MTHFD1L: variants seen among roughly 807,000 people sequenced by gnomAD.
The protein encoded by MTHFD1L is monofunctional C1-tetrahydrofolate synthase, mitochondrial.
In MTHFD1L, 81 loss-of-function variants were observed where a neutral mutation model predicts 119.5. The observed-to-expected ratio is 0.68, with a 90% CI of 0.57 to 0.82. The LOEUF (loss-of-function observed/expected upper bound fraction) is 0.82. MTHFD1L is among the 40% of genes least tolerant of loss of function. The probability of loss-of-function intolerance (pLI) is 0.00; values close to 1 mark genes in which losing one functional copy is unlikely to be tolerated. For synonymous variants in MTHFD1L, 430 were observed against 475.2 expected (o/e 0.90, Z 1.24); for missense variants, 1,125 against 1,253.4 (o/e 0.90, Z 1.55).
In MTHFD1L at chr6:151,009,951, G is replaced by A. The variant is rs1165895739; in HGVS notation, c.2258G>A (p.Gly753Glu). ...TVRALKMHGGGPSVTAGVPLK... is the reference protein window; with the variant it reads ...TVRALKMHGGEPSVTAGVPLK... ...CGAGCTCTGAAGATGCATGGAGGCG[G>A]GCCAAGTGTAAGTGCCCACACCGCC... Residue 753 changes from glycine (G) to glutamate (E), a missense_variant, in exon 21 of 28, where the codon GGG (glycine) becomes GAG (glutamate). Transcript: ENST00000367321. 1.2e-6 allele frequency: 2 copies of A among 1,603,004 alleles called. No homozygotes were observed. Among genetic ancestry groups the A allele is most frequent in the African/African-American group, 2.7e-5 (2 of 74,314 alleles).
At chr6:151,038,199 T>A (rs1786483594) in intron 26 of MTHFD1L, among the ~76,000 whole-genome samples, 1 of 152,190 alleles carries the variant, frequency 6.6e-6, no homozygotes, top group Non-Finnish European at 1.5e-5. Flanking sequence ...TGGAGAGCAC[T>A]GTGTTGGTAT....
At chr6:150,877,994 C>T (rs1780742016) in intron 4 of MTHFD1L, among the ~76,000 whole-genome samples, 168 bp downstream of exon 4, 1 of 152,194 alleles carries the variant, frequency 6.6e-6, no homozygotes, top group African/African-American at 2.4e-5. Flanking sequence ...TCATGATATC[C>T]TTGTTTCTTG....
Position 150,949,111 on chromosome 6 carries a change from A to G in MTHFD1L, c.1704A>G (p.Pro568=), listed in dbSNP as rs746063964. 6.2e-7 allele frequency: 1 copy of G among 1,613,964 alleles called. No homozygotes were observed. The highest frequency in any genetic ancestry group is 1.1e-5 in the South Asian group (1 of 91,068). The change falls in exon 16 of 28, where the codon CCA becomes CCG. Residue 568 remains proline, a synonymous_variant. Coordinates refer to ENST00000367321, the MANE Select transcript of MTHFD1L (RefSeq NM_015440.5). ...VSKFARLDID[P]STITWQRVLD... is the part of the protein sequence containing the mutation. ...AATTTGCCCGTCTCGACATCGACCCATCTACCATCACGTGGCAGAGAGGTG... is the reference window on the plus strand; with the variant it reads ...AATTTGCCCGTCTCGACATCGACCCGTCTACCATCACGTGGCAGAGAGGTG...
intron 20 of MTHFD1L, among the ~76,000 whole-genome samples, chr6:150,986,482 G>A (rs969884283): frequency 2.6e-5 from 4 of 152,168 alleles, no homozygotes; most frequent in African/African-American, 7.2e-5. Context: ...CAACATTTCC[G>A]TGGTTTTGGG....
intron 18 of MTHFD1L, among the ~76,000 whole-genome samples, chr6:150,961,942 AC>A (rs1796507430): frequency 6.6e-6 from 1 of 152,112 alleles, no homozygotes; most frequent in Non-Finnish European, 1.5e-5. Context: ...CAGTTTTAAA[AC>A]TTAATCCTCA....
At chr6:150,919,094 CAG>C (rs1034276369) in intron 9 of MTHFD1L, among the ~76,000 whole-genome samples, 1 of 149,506 alleles carries the variant, frequency 6.7e-6, no homozygotes, top group African/African-American at 2.5e-5. Context: ...ACCCAGGAGA[CAG>C]AGGTTGTGGT....
intron 13 of MTHFD1L, among the ~76,000 whole-genome samples, chr6:150,938,979 ATTG>A (rs1308158353): frequency 2.0e-5 from 3 of 152,224 alleles, no homozygotes; most frequent in Admixed American, 2.0e-4. Context: ...ATTCATATAC[ATTG>A]CTGTGGAAAA....
chr6:151,089,474 G>C (rs553725710), intron 26 of MTHFD1L, among the ~76,000 whole-genome samples: 1 of 152,152 alleles, frequency 6.6e-6, no homozygotes, highest in South Asian at 2.1e-4. Flanking sequence ...ATGGTGGCAG[G>C]TGCCTATAAT....
intron 7 of MTHFD1L, among the ~76,000 whole-genome samples, chr6:150,904,014 G>A (rs1785487100): frequency 6.6e-6 from 1 of 152,116 alleles, no homozygotes; most frequent in Non-Finnish European, 1.5e-5. Context: ...CCTTGATCTT[G>A]GCTTTTCTGT....
At chr6:150,912,782 A>T (rs1164585439) in intron 8 of MTHFD1L, 8 of 435,386 alleles carry the variant, frequency 1.8e-5, no homozygotes, top group Non-Finnish European at 9.6e-6. Context: ...AGACCCGTCC[A>T]CGGTTTCGGA....
chr6:150,902,120 A>G (rs2128831151), intron 7 of MTHFD1L, among the ~76,000 whole-genome samples: 1 of 152,312 alleles, frequency 6.6e-6, no homozygotes, highest in South Asian at 2.1e-4. Context: ...AAAACATTTT[A>G]ATGCATTTTA....
In MTHFD1L at chr6:151,014,981, G is replaced by A; in HGVS notation, c.2408+1G>A. ...TTGTGGTGGCTCTGAATGTCTTCAAGTAAGTCCAGCCTCCTCCTTTAAATG... is the reference window on the plus strand; with the variant it reads ...TTGTGGTGGCTCTGAATGTCTTCAAATAAGTCCAGCCTCCTCCTTTAAATG... On this transcript the variant is annotated splice_donor_variant, in intron 23 of 27. Coordinates refer to ENST00000367321, the MANE Select transcript of MTHFD1L (RefSeq NM_015440.5). LOFTEE classifies it high-confidence loss of function. The A allele has an allele frequency of 1.2e-6, 2 of 1,613,472 alleles. No individual in the cohort carries two copies. Among genetic ancestry groups the A allele is most frequent in the Non-Finnish European group, 1.7e-6 (2 of 1,179,526 alleles).
chr6:151,088,341 G>C (rs1794030718), intron 26 of MTHFD1L: 1 of 152,108 alleles, frequency 6.6e-6, no homozygotes, highest in African/African-American at 2.4e-5. Context: ...CACTTGAAGG[G>C]GTCATGGGAG....
At chr6:150,954,562 G>A (rs555652325) in intron 16 of MTHFD1L, among the ~76,000 whole-genome samples, 4 of 152,040 alleles carry the variant, frequency 2.6e-5, no homozygotes, top group East Asian at 1.9e-4. Flanking sequence ...GGTGGCAGGC[G>A]CCTGTAATCC....
intron 2 of MTHFD1L, among the ~76,000 whole-genome samples, chr6:150,876,528 T>C (rs569670715): frequency 6.6e-6 from 1 of 152,228 alleles, no homozygotes; most frequent in Non-Finnish European, 1.5e-5. Flanking sequence ...TTTGTTTCAA[T>C]GGACACAGAT....
chr6:150,875,756 G>A (rs1487649479), intron 1 of MTHFD1L, among the ~76,000 whole-genome samples: 1 of 152,094 alleles, frequency 6.6e-6, no homozygotes, highest in East Asian at 1.9e-4. Flanking sequence ...GTATGGTGGA[G>A]GAGAGCGATT....
rs761637670 is a variant in MTHFD1L, at chr6:150,877,824, G to T, written c.415G>T (p.Glu139Ter). The stretch of plus-strand genomic sequence containing the variant: ...CCTCCCTCCAGATAGCAGTGAAGCC[G>T]AGGTAATAATGGCAGAGCTCTAAAC... ...ICLPPDSSEA[E>*]IIDEILKINE... Residue 139 changes from glutamate (E) to a stop codon, truncating the protein, a stop_gained and splice_region_variant, in exon 4 of 28, where the codon GAG becomes TAG. Coordinates refer to ENST00000367321, the MANE Select transcript of MTHFD1L (RefSeq NM_015440.5). LOFTEE classifies it high-confidence loss of function. The T allele has an allele frequency of 1.9e-6, 3 of 1,614,098 alleles. No individual in the cohort carries two copies. The highest frequency in any genetic ancestry group is 1.7e-6 in the Non-Finnish European group (2 of 1,180,038).
chr6:150,930,919 G>A (rs1463327341), intron 11 of MTHFD1L, among the ~76,000 whole-genome samples: 4 of 152,044 alleles, frequency 2.6e-5, no homozygotes, highest in Admixed American at 6.6e-5. Flanking sequence ...ACTACATATC[G>A]CATGGTATTT....
At chr6:150,979,148 G>C (rs2129035348) in intron 20 of MTHFD1L, among the ~76,000 whole-genome samples, 1 of 152,290 alleles carries the variant, frequency 6.6e-6, no homozygotes, top group East Asian at 1.9e-4. Context: ...TGAGGCAGGA[G>C]AATCGCTTGA....
Sources: gnomAD v4.1 joint callset for allele counts (sites outside exome capture counted in the v4.1 genomes callset) on GRCh38, gnomAD v4.1.1 for gene constraint, MANE v1.5 for transcripts, NCBI Gene and HGNC (gene_info 2026-07-23, HGNC 2026-07-21) for gene names.